The following TTLL5 variants were observed in gnomAD, a reference collection of about 807,000 sequenced individuals.
TTLL5 encodes tubulin tyrosine ligase like 5, also known as tubulin polyglutamylase TTLL5.
A neutral mutation model predicts 168.4 loss-of-function variants in TTLL5; 132 were observed. The ratio of observed to expected loss-of-function variants is 0.78; its 90% CI spans 0.68 to 0.91. The LOEUF (loss-of-function observed/expected upper bound fraction) is 0.91. Among genes scored for constraint, TTLL5 ranks in the 40% least tolerant of loss-of-function variants. The pLI is 0.00. For synonymous variants in TTLL5, 546 were observed against 558.6 expected, an observed-to-expected ratio of 0.98 and a Z score of 0.32; for missense variants, 1,545 against 1,581.5, an observed-to-expected ratio of 0.98 and a Z score of 0.39.
rs556407335 is a variant in TTLL5, at chr14:75,741,924, C to T, written c.1282-3171C>T. On this transcript the variant is annotated intron_variant, in intron 15 of 31. Coordinates refer to ENST00000298832, the MANE Select transcript of TTLL5 (RefSeq NM_015072.5). ...GTGCTAATTCATTGGTTACAGAAAC[C>T]ACATTAGGTTAGTAGGAGAAGGTTG... 3.3e-5 allele frequency among the ~76,000 whole-genome samples: 5 copies of T among 152,124 alleles called. No individual in the cohort carries two copies. The South Asian group carries it at 1.0e-3, about 32-fold the overall frequency.
rs767855498 is a variant in TTLL5 at position 75,669,537 on chromosome 14, T to C, written c.181+15T>C. The C allele has an allele frequency of 3.1e-6, 5 of 1,608,220 alleles. No individual in the cohort carries two copies. The African/African-American group carries it at 6.7e-5, about 21-fold the overall frequency. ...AGTAATTGGAGGTGCGTATAACCTC[T>C]CCCACAGAGGACGGAGCTGGGCATG... On this transcript the variant is annotated intron_variant, in intron 3 of 31. Transcript: ENST00000298832.
rs929306502 is a variant in TTLL5, at chr14:75,945,278, G to A, written c.3824-9146G>A. ...ATATATAAAAAAAAATTTTTTTTGA[G>A]ACGGAGTCTTGCTCTGTCCCCAGGC... On this transcript the variant is annotated intron_variant, in intron 31 of 31. Coordinates refer to ENST00000298832, the MANE Select transcript of TTLL5 (RefSeq NM_015072.5). 3.6e-4 allele frequency among the ~76,000 whole-genome samples: 53 copies of A among 149,238 alleles called. 1 individual carries two copies. Among genetic ancestry groups the A allele is most frequent in the Non-Finnish European group, 6.2e-4 (42 of 67,512 alleles).
intron 17 of TTLL5, among the ~76,000 whole-genome samples, chr14:75,751,222 A>G (rs1305531842): frequency 6.6e-6 from 1 of 152,214 alleles, no homozygotes; most frequent in African/African-American, 2.4e-5. Context: ...TGTGACAGCA[A>G]AACTAGCATG....
intron 21 of TTLL5, among the ~76,000 whole-genome samples, chr14:75,773,469 T>C (rs930082218): frequency 1.3e-5 from 2 of 152,076 alleles, no homozygotes; most frequent in Non-Finnish European, 2.9e-5. Flanking sequence ...AAAAAAATAG[T>C]TCAAAAAAGA....
chr14:75,713,913 A>G (rs915150581), intron 9 of TTLL5, among the ~76,000 whole-genome samples: 5 of 151,508 alleles, frequency 3.3e-5, no homozygotes, highest in African/African-American at 1.2e-4. Context: ...CTTTTACCCT[A>G]TGTCTAGAGA....
At chr14:75,861,343 C>G (rs576231425) in intron 28 of TTLL5, among the ~76,000 whole-genome samples, 61 of 152,148 alleles carry the variant, frequency 4.0e-4, no homozygotes, top group African/African-American at 1.4e-3. Context: ...AGCAGAGGCC[C>G]GAAAAGACCA....
chr14:75,903,060 G>T (rs2032994542), intron 31 of TTLL5, among the ~76,000 whole-genome samples: 2 of 152,202 alleles, frequency 1.3e-5, no homozygotes, highest in South Asian at 4.1e-4. Flanking sequence ...AGTTCTGAAT[G>T]CTTTATGTGT....
At chr14:75,707,844 C>T (rs1284686627) in intron 9 of TTLL5, 137 bp downstream of exon 9, 12 of 723,744 alleles carry the variant, frequency 1.7e-5, no homozygotes, top group Non-Finnish European at 2.6e-5. Context: ...ATGCAATCCA[C>T]CTCCTCAACT....
Position 75,791,105 on chromosome 14 carries a change from C to CAA in TTLL5, c.2987-1793_2987-1792dup, listed in dbSNP as rs372035829. ...TGGGTGACAGAGCAAGACTCTGTCTCAAAAAAAAAAAAAAAAAAATACCAC... is the reference window on the plus strand; with the variant it reads ...TGGGTGACAGAGCAAGACTCTGTCTCAAAAAAAAAAAAAAAAAAAAATACCAC... On this transcript the variant is annotated intron_variant, in intron 26 of 31. Coordinates refer to ENST00000298832, the MANE Select transcript of TTLL5 (RefSeq NM_015072.5). 3.9e-4 allele frequency among the ~76,000 whole-genome samples: 30 copies of CAA among 77,272 alleles called. 3 individuals are homozygous for CAA. Among genetic ancestry groups the CAA allele is most frequent in the South Asian group, 1.7e-3 (4 of 2,302 alleles). 50.7% of individuals were successfully genotyped at this position (77,272 alleles called of 152,430 possible). A position where few individuals can be genotyped will look rare whatever the true frequency, so the allele number is the denominator to read the frequency against.
intron 28 of TTLL5, among the ~76,000 whole-genome samples, chr14:75,839,628 T>C (rs968080082): frequency 6.6e-6 from 1 of 152,174 alleles, no homozygotes; most frequent in Non-Finnish European, 1.5e-5. Flanking sequence ...GAACTCACTA[T>C]GATGTGAACA....
intron 3 of TTLL5, among the ~76,000 whole-genome samples, chr14:75,676,292 C>T (rs1884149139): frequency 6.6e-6 from 1 of 152,172 alleles, no homozygotes; most frequent in Non-Finnish European, 1.5e-5. Context: ...AAATAACCAT[C>T]ATTACCAGGT....
intron 29 of TTLL5, among the ~76,000 whole-genome samples, chr14:75,880,955 C>T (rs1176656468): frequency 5.9e-5 from 9 of 152,078 alleles, no homozygotes; most frequent in Non-Finnish European, 8.8e-5. Context: ...GCTCTGTCAC[C>T]GAGGCTGGAG....
At chr14:75,779,731 T>C (rs1566600910) in intron 24 of TTLL5, 29 bp downstream of exon 24, 1 of 1,578,776 alleles carries the variant, frequency 6.3e-7, no homozygotes, top group South Asian at 1.2e-5. Context: ...GAACGAAAAA[T>C]AAGAAGAACA....
chr14:75,669,563 GC>G (rs1296738300), intron 3 of TTLL5, 41 bp downstream of exon 3: 1 of 1,553,538 alleles, frequency 6.4e-7, no homozygotes, highest in Non-Finnish European at 8.8e-7. Flanking sequence ...GCTGGGCATG[GC>G]CCAGACGTCC....
At chr14:75,681,316 A>C (rs150388624) in intron 3 of TTLL5, among the ~76,000 whole-genome samples, 1 of 152,214 alleles carries the variant, frequency 6.6e-6, no homozygotes, top group Non-Finnish European at 1.5e-5. Flanking sequence ...TTAAATTTCA[A>C]CTAGAAACTA....
At chr14:75,794,010 C>T (rs544992272) in intron 27 of TTLL5, among the ~76,000 whole-genome samples, 1 of 152,316 alleles carries the variant, frequency 6.6e-6, no homozygotes, top group South Asian at 2.1e-4. Flanking sequence ...AGGCAACACA[C>T]TGCTCCCTGG....
chr14:75,756,247 A>G (rs12436303), intron 18 of TTLL5, among the ~76,000 whole-genome samples: 96,205 of 151,926 alleles, frequency 0.63, 33,418 homozygotes, highest in Non-Finnish European at 0.76. Flanking sequence ...TCTACATTGC[A>G]TTTGTCTCTT....
chr14:75,670,325 T>A (rs998254146), intron 3 of TTLL5, among the ~76,000 whole-genome samples: 16 of 152,222 alleles, frequency 1.1e-4, no homozygotes, highest in African/African-American at 3.9e-4. Context: ...GTTACATGCA[T>A]AATCCACTGT....
At chr14:75,932,162 T>C (rs1433522197) in intron 31 of TTLL5, among the ~76,000 whole-genome samples, 1 of 152,250 alleles carries the variant, frequency 6.6e-6, no homozygotes, top group Non-Finnish European at 1.5e-5. Flanking sequence ...TCTGTACTTC[T>C]TGTGTCCTTT....
Sources: allele counts gnomAD v4.1 joint callset (sites outside exome capture counted in the v4.1 genomes callset), GRCh38; gene constraint gnomAD v4.1.1; transcripts MANE v1.5; gene names NCBI Gene and HGNC (gene_info 2026-07-23, HGNC 2026-07-21).